Variants in SMAD9 observed in about 807,000 individuals in gnomAD.
The protein encoded by SMAD9 is SMAD family member 9.
A neutral mutation model predicts 46.1 loss-of-function variants in SMAD9; 36 were observed. The ratio of observed to expected loss-of-function variants is 0.78; its 90% CI spans 0.60 to 1.03. SMAD9 has a LOEUF of 1.03. Among genes scored for constraint, SMAD9 ranks in the 50% least tolerant of loss-of-function variants. The probability of loss-of-function intolerance (pLI) is 0.00; values close to 1 mark genes in which losing one functional copy is unlikely to be tolerated. For synonymous variants in SMAD9, 245 were observed against 237.1 expected, an observed-to-expected ratio of 1.03 and a Z score of -0.31; for missense variants, 572 against 599.8, an observed-to-expected ratio of 0.95 and a Z score of 0.48.
chr13:36,846,559 G>T lies in SMAD9; in HGVS notation c.*2117C>A, dbSNP rs911394841. The stretch of plus-strand genomic sequence containing the variant: ...TCACGAAAGCTATGTTTGATCTCTG[G>T]AGCAAAAACTGTGTTGAAGTTCTCC... On this transcript the variant is annotated 3_prime_UTR_variant, in exon 7 of 7. Coordinates refer to ENST00000379826, the MANE Select transcript of SMAD9 (RefSeq NM_001127217.3). The T allele has an allele frequency of 6.6e-6, 1 of 151,634 alleles. No homozygotes were observed. Among genetic ancestry groups the T allele is most frequent in the African/African-American group, 2.4e-5 (1 of 41,212 alleles). 9.4% of individuals were successfully genotyped at this position (151,634 alleles called of 1,614,324 possible).
intron 1 of SMAD9, among the ~76,000 whole-genome samples, chr13:36,919,203 C>T (rs1442299417): frequency 1.3e-5 from 2 of 152,200 alleles, no homozygotes; most frequent in African/African-American, 4.8e-5. Flanking sequence ...CAAATGTCCA[C>T]GGTCAAGGGC....
At chr13:36,880,351 A>C (rs2058392253) in intron 1 of SMAD9, among the ~76,000 whole-genome samples, 1 of 152,184 alleles carries the variant, frequency 6.6e-6, no homozygotes, top group Admixed American at 6.5e-5. Context: ...TGGTCTCCCA[A>C]GTGTAAACTC....
intron 5 of SMAD9, among the ~76,000 whole-genome samples, chr13:36,856,963 T>C (rs113382836): frequency 0.16 from 24,984 of 151,780 alleles, 2,199 homozygotes; most frequent in Middle Eastern, 0.24. Flanking sequence ...CCACCACACC[T>C]GGCTAATTTT....
In SMAD9 at chr13:36,879,395, G is replaced by C. The variant is rs753990922; in HGVS notation, c.295C>G (p.Pro99Ala). 5.8e-5 allele frequency: 94 copies of C among 1,614,054 alleles called. No individual in the cohort carries two copies. Among genetic ancestry groups the C allele is most frequent in the Non-Finnish European group, 7.9e-5 (93 of 1,180,032 alleles). Residue 99 changes from proline to alanine, a missense_variant, in exon 2 of 7, where the codon CCG (proline) becomes GCG (alanine). Physicochemically the swap from Pro to Ala is conservative, Grantham distance 27. Transcript: ENST00000379826. ...HVIYCRVWRW[P>A]DLQSHHELKP... is the part of the protein sequence containing the mutation. ...AGCTCGTGGTGGGACTGCAGATCCG[G>C]CCAGCGCCACACGCGACAGTAAATC...
intron 1 of SMAD9, among the ~76,000 whole-genome samples, chr13:36,903,204 G>A (rs955682866): frequency 4.9e-5 from 7 of 144,054 alleles, no homozygotes; most frequent in African/African-American, 1.8e-4. Context: ...TTAGCTCACT[G>A]CAACCTCCTC....
rs2058052639 is a variant in SMAD9, at chr13:36,848,819, C to A, written c.1261G>T (p.Gly421Cys). ...MCTIRMSFVK[G>C]WGAEYHRQDV... is the part of the protein sequence containing the mutation. ...TGGCGATGATACTCAGCACCCCAAC[C>A]CTGAAAAACAAGAAAGGAGCTGAGT... The change falls in exon 7 of 7, where the codon GGT becomes TGT. Residue 421 changes from glycine (G) to cysteine (C), a missense_variant and splice_region_variant. Transcript: ENST00000379826. The A allele has an allele frequency of 6.2e-7, 1 of 1,613,788 alleles. No individual in the cohort carries two copies.
chr13:36,886,962 C>T (rs969151514), intron 1 of SMAD9, among the ~76,000 whole-genome samples: 4 of 150,816 alleles, frequency 2.7e-5, no homozygotes, highest in African/African-American at 7.3e-5. Flanking sequence ...AGAGAAGACA[C>T]GAGTGTCCTG....
chr13:36,913,252 A>T (rs1259758739), intron 1 of SMAD9, among the ~76,000 whole-genome samples: 1 of 152,178 alleles, frequency 6.6e-6, no homozygotes, highest in Non-Finnish European at 1.5e-5. Context: ...AAATATTTTA[A>T]TATTTGCTTT....
chr13:36,911,544 A>G (rs1227736810), intron 1 of SMAD9, among the ~76,000 whole-genome samples: 1 of 142,148 alleles, frequency 7.0e-6, no homozygotes, highest in Admixed American at 7.9e-5. Flanking sequence ...ATTTTTAATG[A>G]TGTGTGGGCA....
chr13:36,904,352 C>A (rs376567378), intron 1 of SMAD9, among the ~76,000 whole-genome samples: 1 of 152,202 alleles, frequency 6.6e-6, no homozygotes, highest in South Asian at 2.1e-4. Flanking sequence ...AGTGTATAAA[C>A]TGTCACTAAA....
chr13:36,863,261 CCA>C lies in SMAD9; in HGVS notation c.1003+2274_1003+2275del, dbSNP rs201966825. On this transcript the variant is annotated intron_variant, in intron 5 of 6. Coordinates refer to ENST00000379826, the MANE Select transcript of SMAD9 (RefSeq NM_001127217.3). ...CTCCCAAGCCAACACTTTTTTCCAC[CCA>C]CACGCTTTATGGCAAGGCTTGTGGC... 9.2e-3 allele frequency among the ~76,000 whole-genome samples: 1,407 copies of C among 152,220 alleles called. 24 individuals are homozygous for C. The highest frequency in any genetic ancestry group is 0.031 in the African/African-American group (1,289 of 41,542).
intron 5 of SMAD9, among the ~76,000 whole-genome samples, chr13:36,864,995 A>T (rs1230905683): frequency 6.6e-6 from 1 of 152,170 alleles, no homozygotes; most frequent in Non-Finnish European, 1.5e-5. Flanking sequence ...TGGGCTTCAA[A>T]AGCATCACTG....
At chr13:36,853,271 T>G (rs2058089906) in intron 6 of SMAD9, 148 bp downstream of exon 6, 2 of 773,182 alleles carry the variant, frequency 2.6e-6, no homozygotes, top group African/African-American at 1.7e-5. Flanking sequence ...TGTGACAGAG[T>G]GAAACTCCGT....
Position 36,860,170 on chromosome 13 carries a change from C to T in SMAD9, c.1003+5367G>A, listed in dbSNP as rs149783607. Among the ~76,000 whole-genome samples the T allele has an allele frequency of 7.8e-4, 119 of 152,204 alleles. 1 individual carries two copies. In the Middle Eastern group the frequency reaches 0.01, roughly 13 times the overall value. Reference sequence around the variant, plus strand: ...TTGGGGTCTGGGTCAGGACCGCTTTCCGGTAACATCTCTGCAAGGAGCTGA... The same window carrying T: ...TTGGGGTCTGGGTCAGGACCGCTTTTCGGTAACATCTCTGCAAGGAGCTGA... On this transcript the variant is annotated intron_variant, in intron 5 of 6. Coordinates refer to ENST00000379826, the MANE Select transcript of SMAD9 (RefSeq NM_001127217.3).
At chr13:36,880,942 A>C (rs143888951) in intron 1 of SMAD9, among the ~76,000 whole-genome samples, 15 of 152,282 alleles carry the variant, frequency 9.9e-5, no homozygotes, top group African/African-American at 3.4e-4. Context: ...CAGCCTACAG[A>C]AGCAAGAGTT....
At chr13:36,861,379 G>A (rs2058180202) in intron 5 of SMAD9, among the ~76,000 whole-genome samples, 1 of 151,810 alleles carries the variant, frequency 6.6e-6, no homozygotes, top group South Asian at 2.1e-4. Flanking sequence ...CAATGGCACA[G>A]TCTTGGCTCA....
At position 36,846,180 on chromosome 13, in the gene SMAD9, A is replaced by T. The variant is rs2058037260; in HGVS notation, c.*2496T>A. ...CCACCAGTTTAGATTAATTCTGTAA[A>T]GGTGTAAGATTACCAGAGGAAGCCG... On this transcript the variant is annotated 3_prime_UTR_variant, in exon 7 of 7. Coordinates refer to ENST00000379826, the MANE Select transcript of SMAD9 (RefSeq NM_001127217.3). 1 of 151,734 alleles carries T rather than the reference A, an allele frequency of 6.6e-6. No individual in the cohort carries two copies. Among genetic ancestry groups the T allele is most frequent in the South Asian group, 2.1e-4 (1 of 4,786 alleles). The allele number at this position is 151,734 out of a possible 1,614,324, so 9.4% of individuals were successfully genotyped here. A position where few individuals can be genotyped will look rare whatever the true frequency, so the allele number is the denominator to read the frequency against.
intron 1 of SMAD9, among the ~76,000 whole-genome samples, chr13:36,885,619 G>A (rs1449101938): frequency 2.0e-5 from 3 of 151,842 alleles, no homozygotes; most frequent in African/African-American, 4.8e-5. Flanking sequence ...AAATATCCAT[G>A]AAGGGTCAGT....
At chr13:36,920,431 G>A (rs966593232), upstream of SMAD9, among the ~76,000 whole-genome samples, 17 of 151,730 alleles carry the variant, frequency 1.1e-4, no homozygotes, top group African/African-American at 4.1e-4. Context: ...GAAACTCGCG[G>A]CGCGGGGGTG....
Sources: gnomAD v4.1 joint callset for allele counts (sites outside exome capture counted in the v4.1 genomes callset) on GRCh38, gnomAD v4.1.1 for gene constraint, MANE v1.5 for transcripts, NCBI Gene and HGNC (gene_info 2026-07-23, HGNC 2026-07-21) for gene names.